The following TANK variants were observed in gnomAD, a reference collection of about 807,000 sequenced individuals.
TANK encodes the protein TRAF family member associated NFKB activator, also known as TRAF family member-associated NF-kappa-B activator.
A neutral mutation model predicts 43.6 loss-of-function variants in TANK; 15 were observed. The ratio of observed to expected loss-of-function variants is 0.34; its 90% confidence interval spans 0.23 to 0.53. The LOEUF is 0.53. Ranked by LOEUF, TANK falls within the 20% of genes least tolerant of loss-of-function variation. The probability of loss-of-function intolerance (pLI) is 0.94; values close to 1 mark genes in which losing one functional copy is unlikely to be tolerated. For missense variants in TANK, 417 were observed against 498.6 expected, an observed-to-expected ratio of 0.84 and a Z score of 1.56; for synonymous variants, 162 against 178.2, an observed-to-expected ratio of 0.91 and a Z score of 0.73.
At chr2:161,165,211 G>A (rs1454790034) in intron 1 of TANK, among the ~76,000 whole-genome samples, 1 of 152,108 alleles carries the variant, frequency 6.6e-6, no homozygotes, top group East Asian at 1.9e-4. Flanking sequence ...GAACTTATGA[G>A]AGTCTTTGAA....
Position 161,162,890 on chromosome 2 carries a change from G to C in TANK, c.-50+2404G>C, listed in dbSNP as rs1684509211. ...TTATCAGGAATGGAAGTTGGATTTT[G>C]TCAAATGGCTTTTTGACATCTATCA... is the stretch of plus-strand genomic sequence containing the variant. On this transcript the variant is annotated intron_variant, in intron 1 of 7. Coordinates refer to ENST00000392749, the MANE Select transcript of TANK (RefSeq NM_001199135.3). 1.3e-5 allele frequency: 2 copies of C among 152,136 alleles called. 1 individual carries two copies. Among genetic ancestry groups the C allele is most frequent in the South Asian group, 4.1e-4 (2 of 4,828 alleles). The allele number at this position is 152,136 out of a possible 1,614,324, so 9.4% of individuals were successfully genotyped here.
At chr2:161,168,135 G>C (rs1312403995) in intron 1 of TANK, among the ~76,000 whole-genome samples, 1 of 152,172 alleles carries the variant, frequency 6.6e-6, no homozygotes, top group Non-Finnish European at 1.5e-5. Flanking sequence ...TAGTTCACGG[G>C]AGAGTGAGGT....
intron 1 of TANK, among the ~76,000 whole-genome samples, chr2:161,172,286 A>G (rs956528886): frequency 7.9e-5 from 12 of 151,404 alleles, no homozygotes; most frequent in Admixed American, 7.2e-4. Context: ...ATCTTGTGCT[A>G]TAAGGTGGTA....
intron 3 of TANK, 120 bp from the exon 4 acceptor site, chr2:161,204,555 A>C: frequency 1.1e-6 from 1 of 926,644 alleles, no homozygotes; most frequent in South Asian, 1.7e-5. Flanking sequence ...GAATTTTCTA[A>C]AACTCCTACC....
chr2:161,142,501 A>G (rs1228752020), intron 1 of TANK, among the ~76,000 whole-genome samples: 1 of 152,066 alleles, frequency 6.6e-6, no homozygotes, highest in Non-Finnish European at 1.5e-5. Context: ...TTTTTGTATA[A>G]GGTGTAAGGA....
At chr2:161,218,911 C>T (rs1190034102) in intron 4 of TANK, among the ~76,000 whole-genome samples, 2 of 152,046 alleles carry the variant, frequency 1.3e-5, no homozygotes, top group African/African-American at 4.8e-5. Flanking sequence ...CAGGAGCACA[C>T]CACCATGCAC....
intron 6 of TANK, among the ~76,000 whole-genome samples, chr2:161,227,583 T>C (rs1341828115): frequency 1.3e-5 from 2 of 152,358 alleles, no homozygotes; most frequent in African/African-American, 4.8e-5. Context: ...TATGAATTAA[T>C]GTACATACAA....
At chr2:161,147,824 C>T (rs1683960043) in intron 1 of TANK, among the ~76,000 whole-genome samples, 1 of 152,162 alleles carries the variant, frequency 6.6e-6, no homozygotes, top group African/African-American at 2.4e-5. Flanking sequence ...TGAGTTTCAT[C>T]CATGTTGTAG....
intron 1 of TANK, among the ~76,000 whole-genome samples, chr2:161,178,185 G>A (rs1361788394): frequency 6.6e-6 from 1 of 152,006 alleles, no homozygotes; most frequent in African/African-American, 2.4e-5. Context: ...TATTGAAAAC[G>A]TGTTCACACA....
At chr2:161,145,406 T>G (rs1683881773) in intron 1 of TANK, among the ~76,000 whole-genome samples, 1 of 151,800 alleles carries the variant, frequency 6.6e-6, no homozygotes, top group African/African-American at 2.4e-5. Flanking sequence ...GTTGATGCAG[T>G]TTTTTCATAG....
At chr2:161,141,786 A>G (rs1683755741) in intron 1 of TANK, among the ~76,000 whole-genome samples, 1 of 152,160 alleles carries the variant, frequency 6.6e-6, no homozygotes, top group African/African-American at 2.4e-5. Context: ...TGCTGCACGA[A>G]ACATATGTGT....
upstream of TANK, chr2:161,156,247 C>G (rs1334851536): frequency 2.0e-6 from 2 of 985,234 alleles, no homozygotes; most frequent in Non-Finnish European, 2.4e-6. Flanking sequence ...AGCTTTTACT[C>G]TAATCATTGA....
At chr2:161,202,830 C>T (rs752738497) in intron 2 of TANK, 2 of 464,898 alleles carry the variant, frequency 4.3e-6, no homozygotes, top group South Asian at 3.2e-5. Flanking sequence ...TCAGTACAAA[C>T]TTGTGTCTTT....
chr2:161,152,090 G>T (rs1445184666), intron 1 of TANK, among the ~76,000 whole-genome samples: 1 of 152,072 alleles, frequency 6.6e-6, no homozygotes, highest in East Asian at 1.9e-4. Flanking sequence ...ACGTGTTGTT[G>T]TCACAAATTA....
At position 161,227,456 on chromosome 2, in the gene TANK, A is replaced by T. The variant is rs151317040; in HGVS notation, c.520+2710A>T. ...GTTAGGTTGCCTGGGTTCCAGTGGC[A>T]GATCTACCACTTACTATAATAGTTG... On this transcript the variant is annotated intron_variant, in intron 6 of 7. Transcript: ENST00000392749. 3.5e-3 allele frequency among the ~76,000 whole-genome samples: 532 copies of T among 152,320 alleles called. 4 individuals carry two copies. Among genetic ancestry groups the T allele is most frequent in the Non-Finnish European group, 3.5e-3 (239 of 68,024 alleles).
intron 4 of TANK, chr2:161,211,988 G>A: frequency 1.1e-6 from 1 of 943,136 alleles, no homozygotes; most frequent in Non-Finnish European, 1.3e-6. Context: ...ATGTTAATTA[G>A]AAAGGAAAAT....
chr2:161,220,459 C>T (rs971624194), intron 4 of TANK, among the ~76,000 whole-genome samples: 2 of 152,076 alleles, frequency 1.3e-5, no homozygotes, highest in Non-Finnish European at 2.9e-5. Flanking sequence ...AAAAATTACT[C>T]GGGCATGGTG....
intron 4 of TANK, chr2:161,212,063 CT>C (rs11375138): frequency 0.089 from 55,617 of 625,222 alleles, no homozygotes; most frequent in Non-Finnish European, 0.1. Context: ...AATACATAAA[CT>C]TTTTTTTTTT....
intron 1 of TANK, among the ~76,000 whole-genome samples, chr2:161,139,341 T>A (rs764616584): frequency 3.9e-5 from 6 of 152,160 alleles, no homozygotes; most frequent in Non-Finnish European, 8.8e-5. Context: ...AACCAAATAA[T>A]TGCCAAGTAC....
Sources: gnomAD v4.1 joint callset for allele counts (sites outside exome capture counted in the v4.1 genomes callset) on GRCh38, gnomAD v4.1.1 for gene constraint, MANE v1.5 for transcripts, NCBI Gene and HGNC (gene_info 2026-07-23, HGNC 2026-07-21) for gene names.